The following NGEF variants were observed in gnomAD, a reference collection of about 807,000 sequenced individuals.
The protein encoded by NGEF is neuronal guanine nucleotide exchange factor, also known as ephexin-1.
NGEF carries 31 observed loss-of-function variants against 80.9 expected under a neutral mutation model. The observed-to-expected ratio is 0.38, with a 90% CI of 0.29 to 0.52. NGEF has a LOEUF of 0.52. NGEF is among the 20% of genes least tolerant of loss of function. The probability of loss-of-function intolerance (pLI) is 0.84; values close to 1 mark genes in which losing one functional copy is unlikely to be tolerated. For synonymous variants in NGEF, 371 were observed against 370.2 expected (o/e 1.00, Z -0.03); for missense variants, 709 against 926.2 (o/e 0.77, Z 3.04).
At chr2:232,993,958 T>C (rs1024631134) in intron 1 of NGEF, among the ~76,000 whole-genome samples, 4 of 152,148 alleles carry the variant, frequency 2.6e-5, no homozygotes, top group Non-Finnish European at 5.9e-5. Flanking sequence ...GGGGATGGGA[T>C]TTCTTTTGGG....
intron 5 of NGEF, among the ~76,000 whole-genome samples, chr2:232,904,302 T>C (rs538194178): frequency 6.6e-6 from 1 of 152,110 alleles, no homozygotes; most frequent in Admixed American, 6.5e-5. Flanking sequence ...CAAGTCCATC[T>C]TTCTCTAGCT....
chr2:232,923,774 G>C (rs539309698), intron 4 of NGEF, among the ~76,000 whole-genome samples: 93 of 152,194 alleles, frequency 6.1e-4, no homozygotes, highest in Admixed American at 1.3e-3. Context: ...GTTAGACACA[G>C]GCACAAGGCA....
rs186850183 is a variant in NGEF at position 232,992,087 on chromosome 2, A to G, written c.-74-17123T>C. Among the ~76,000 whole-genome samples the G allele has an allele frequency of 1.7e-3, 261 of 152,340 alleles. 2 individuals are homozygous for G. The highest frequency in any genetic ancestry group is 6.0e-3 in the African/African-American group (250 of 41,576). ...ATACAAAGATTAACTCAAAATAAAT[A>G]AAAAACCTAGTTGTAAGGGGTAAAA... On this transcript the variant is annotated intron_variant, in intron 1 of 14. Transcript: ENST00000264051.
intron 3 of NGEF, among the ~76,000 whole-genome samples, chr2:232,929,143 G>C (rs903063808): frequency 2.0e-5 from 3 of 152,204 alleles, no homozygotes; most frequent in Non-Finnish European, 2.9e-5. Context: ...TCCTTTTTAC[G>C]GCCCTGAGGA....
At chr2:232,983,345 C>T (rs1040909552) in intron 1 of NGEF, among the ~76,000 whole-genome samples, 4 of 151,728 alleles carry the variant, frequency 2.6e-5, no homozygotes, top group African/African-American at 4.9e-5. Flanking sequence ...GGTCCCCGAG[C>T]GGTGAGGGAA....
At chr2:232,990,887 C>A (rs190005680) in intron 1 of NGEF, among the ~76,000 whole-genome samples, 1 of 151,932 alleles carries the variant, frequency 6.6e-6, no homozygotes, top group Non-Finnish European at 1.5e-5. Flanking sequence ...TATACTATGA[C>A]CAAGTAGAAT....
intron 5 of NGEF, among the ~76,000 whole-genome samples, chr2:232,911,892 G>GT (rs956046432): frequency 1.3e-5 from 2 of 152,070 alleles, no homozygotes; most frequent in African/African-American, 2.4e-5. Flanking sequence ...GTTCTAAGAG[G>GT]TTTTTTTGGT....
intron 8 of NGEF, among the ~76,000 whole-genome samples, chr2:232,890,453 T>A (rs1420020531): frequency 2.0e-5 from 3 of 152,156 alleles, no homozygotes; most frequent in Non-Finnish European, 4.4e-5. Flanking sequence ...CCTCTTCGGT[T>A]AATTACCACC....
At chr2:232,957,485 G>A (rs1277164701) in intron 3 of NGEF, among the ~76,000 whole-genome samples, 1 of 152,030 alleles carries the variant, frequency 6.6e-6, no homozygotes, top group African/African-American at 2.4e-5. Flanking sequence ...ACCACACCAG[G>A]CTAATTTTTG....
At chr2:233,011,825 TACTC>T (rs1695212985) in intron 1 of NGEF, among the ~76,000 whole-genome samples, 1 of 152,180 alleles carries the variant, frequency 6.6e-6, no homozygotes, top group Non-Finnish European at 1.5e-5. Context: ...TGTGGAATGT[TACTC>T]ACACTGTCAT....
chr2:232,892,472 C>T lies in NGEF; in HGVS notation c.1142+426G>A, dbSNP rs566395096. On this transcript the variant is annotated intron_variant, in intron 7 of 14. Transcript: ENST00000264051. This position sits in a 1 kb window ranked among gnomAD's most constrained non-coding sequence, Gnocchi z 4.0. ...GGCAGATTAGCAATCAATGCCCCGG[C>T]GCTGCTGGAGGAGCCCCACCGAGGC... Among the ~76,000 whole-genome samples the T allele has an allele frequency of 5.9e-5, 9 of 152,224 alleles. No homozygotes were observed. Among genetic ancestry groups the T allele is most frequent in the South Asian group, 4.2e-4 (2 of 4,808 alleles).
rs375253862 is a variant in NGEF at position 232,960,798 on chromosome 2, A to G, written c.383+9416T>C. Among the ~76,000 whole-genome samples the G allele has an allele frequency of 2.5e-3, 385 of 152,290 alleles. 2 individuals carry two copies. Among genetic ancestry groups the G allele is most frequent in the Middle Eastern group, 0.02 (6 of 294 alleles). On this transcript the variant is annotated intron_variant, in intron 3 of 14. Transcript: ENST00000264051. ...GAGGCTGAAGCAGGAGAATCACTTG[A>G]ACCTGGGAGGCAGAGGTTGCAGTGA...
At chr2:232,907,860 G>T (rs906709677) in intron 5 of NGEF, among the ~76,000 whole-genome samples, 2 of 152,204 alleles carry the variant, frequency 1.3e-5, no homozygotes, top group Non-Finnish European at 2.9e-5. Context: ...TGTAATCCCC[G>T]CACTTTGGGA....
intron 1 of NGEF, among the ~76,000 whole-genome samples, chr2:232,989,254 C>G (rs927640080): frequency 5.9e-5 from 9 of 152,160 alleles, no homozygotes; most frequent in African/African-American, 2.2e-4. Flanking sequence ...TCAAGACCAA[C>G]CTGGCCAACA....
In NGEF at chr2:232,881,120, C is replaced by A. The variant is rs200223043; in HGVS notation, c.1942+26G>T. On this transcript the variant is annotated intron_variant, in intron 14 of 14. Transcript: ENST00000264051. ...TTGTGGGGCAAGTTCCCCTGGGGGCCCCGAGGGGAGGTCCCTGGGCCTCAC... is the reference window on the plus strand; with the variant it reads ...TTGTGGGGCAAGTTCCCCTGGGGGCACCGAGGGGAGGTCCCTGGGCCTCAC... The A allele has an allele frequency of 1.8e-5, 29 of 1,602,516 alleles. No homozygotes were observed. In the East Asian group the frequency reaches 6.2e-4, roughly 35 times the overall value.
chr2:232,885,534 C>G, intron 9 of NGEF, 165 bp from the exon 10 acceptor site: 1 of 613,298 alleles, frequency 1.6e-6, no homozygotes, highest in Non-Finnish European at 2.9e-6. Context: ...GCTCCTCTTT[C>G]TAGCACCTTG....
intron 5 of NGEF, among the ~76,000 whole-genome samples, chr2:232,907,023 TACCCAGGGACAC>T (rs776179676): frequency 1.3e-5 from 2 of 151,470 alleles, no homozygotes; most frequent in Non-Finnish European, 2.9e-5. Context: ...TAATCTCAAG[TACCCAGGGACAC>T]AAACACTCTG....
At chr2:232,982,757 G>A (rs1221988321) in intron 1 of NGEF, among the ~76,000 whole-genome samples, 3 of 152,152 alleles carry the variant, frequency 2.0e-5, no homozygotes, top group East Asian at 1.9e-4. Flanking sequence ...CAGGTGATCC[G>A]CCCGCCTCAG....
At chr2:232,953,301 C>CAAAAAAAAAAAAAAAAAAAAAA (rs57652494) in intron 3 of NGEF, among the ~76,000 whole-genome samples, 2 of 91,242 alleles carry the variant, frequency 2.2e-5, no homozygotes, top group African/African-American at 4.4e-5. Context: ...GACTCTGTGT[C>CAAAAAAAAAAAAAAAAAAAAAA]AAAAAAAAAA....
Sources: gnomAD v4.1 joint callset for allele counts (sites outside exome capture counted in the v4.1 genomes callset) on GRCh38, gnomAD v4.1.1 for gene constraint, Gnocchi (gnomAD v3.1) non-coding constraint, MANE v1.5 for transcripts, NCBI Gene and HGNC (gene_info 2026-07-23, HGNC 2026-07-21) for gene names.